The following RASA3 variants were observed in gnomAD, a reference collection of about 807,000 sequenced individuals.
RASA3 encodes the protein RAS p21 protein activator 3, also known as ras GTPase-activating protein 3.
In RASA3, 73 loss-of-function variants were observed where a neutral mutation model predicts 110.0. The ratio of observed to expected loss-of-function variants is 0.66; its 90% CI spans 0.55 to 0.81. The LOEUF (loss-of-function observed/expected upper bound fraction) is 0.81. RASA3 is among the 30% of genes least tolerant of loss of function. The pLI is 0.00. For synonymous variants in RASA3, 500 were observed against 451.4 expected (o/e 1.11, Z -1.37); for missense variants, 976 against 1,113.2 (o/e 0.88, Z 1.75).
At chr13:114,119,490 C>A (rs1198407951) in intron 1 of RASA3, among the ~76,000 whole-genome samples, 2 of 116,060 alleles carry the variant, frequency 1.7e-5, no homozygotes, top group Non-Finnish European at 4.1e-5. Flanking sequence ...GGGCCCCCCT[C>A]CCCTCTCCAG....
intron 15 of RASA3, among the ~76,000 whole-genome samples, chr13:114,012,566 CCA>C (rs1413584246): frequency 1.4e-5 from 2 of 146,020 alleles, no homozygotes; most frequent in Non-Finnish European, 3.0e-5. Flanking sequence ...CCCATGCATT[CCA>C]CACACACTCC....
At chr13:114,001,691 C>G (rs1013687053) in intron 18 of RASA3, among the ~76,000 whole-genome samples, 1 of 151,208 alleles carries the variant, frequency 6.6e-6, no homozygotes, top group Non-Finnish European at 1.5e-5. Context: ...AGGCAGCGGA[C>G]GCTCACACAC....
At chr13:114,095,984 A>G (rs2079937222) in intron 1 of RASA3, among the ~76,000 whole-genome samples, 1 of 152,236 alleles carries the variant, frequency 6.6e-6, no homozygotes, top group Admixed American at 6.5e-5. Context: ...TTGGTACTAC[A>G]AGCTAATCAA....
chr13:114,074,920 G>A (rs2079642553), intron 1 of RASA3, among the ~76,000 whole-genome samples: 1 of 152,256 alleles, frequency 6.6e-6, no homozygotes, highest in Non-Finnish European at 1.5e-5. Flanking sequence ...AGCAGGAAGG[G>A]ATGAGTGACA....
At chr13:114,030,400 A>G (rs1015184184) in intron 4 of RASA3, among the ~76,000 whole-genome samples, 21 of 67,466 alleles carry the variant, frequency 3.1e-4, no homozygotes, top group African/African-American at 4.3e-4. Context: ...AGGAGGCAAG[A>G]CTCACGCAGA....
chr13:114,111,004 A>G (rs77482334), intron 1 of RASA3, among the ~76,000 whole-genome samples: 4 of 152,066 alleles, frequency 2.6e-5, no homozygotes, highest in African/African-American at 9.7e-5. Context: ...AAAAAAAAAA[A>G]CCTAAAACTG....
At chr13:114,127,767 T>G (rs2139804474) in intron 1 of RASA3, among the ~76,000 whole-genome samples, 1 of 152,178 alleles carries the variant, frequency 6.6e-6, no homozygotes, top group South Asian at 2.1e-4. Flanking sequence ...AAAAAATTAA[T>G]GGACAATACT....
intron 2 of RASA3, among the ~76,000 whole-genome samples, chr13:114,054,416 G>A (rs570979664): frequency 6.0e-5 from 9 of 149,226 alleles, no homozygotes; most frequent in East Asian, 5.8e-4. Flanking sequence ...AACCTGGGGC[G>A]GGCGACTGTT....
At chr13:114,043,819 G>GCCCACCTCACTCGCTGAGCCCCCCCGC in intron 3 of RASA3, among the ~76,000 whole-genome samples, 1 of 142,438 alleles carries the variant, frequency 7.0e-6, no homozygotes, top group Non-Finnish European at 1.5e-5. Flanking sequence ...CCTCCGCCTG[G>GCCCACCTCACTCGCTGAGCCCCCCCGC]CCCACCTCAC....
At chr13:114,050,751 C>T (rs1246159535) in intron 3 of RASA3, among the ~76,000 whole-genome samples, 5 of 152,234 alleles carry the variant, frequency 3.3e-5, no homozygotes, top group South Asian at 2.1e-4. Flanking sequence ...CTCTCATGCC[C>T]CCTCTCTCTC....
rs569815125 is a variant in RASA3, at chr13:114,098,330, A to G, written c.56-24493T>C. 6.6e-5 allele frequency among the ~76,000 whole-genome samples: 10 copies of G among 152,314 alleles called. No homozygotes were observed. The South Asian group carries it at 1.9e-3, about 28-fold the overall frequency. On this transcript the variant is annotated intron_variant, in intron 1 of 23. Transcript: ENST00000334062. ...CAGGCGGACAAGGCAACAGGGACCC[A>G]GGTGCGGGTCAGCAGGCGCTAAGGA...
At chr13:114,073,205 C>A (rs1167681701) in intron 2 of RASA3, among the ~76,000 whole-genome samples, 3 of 137,486 alleles carry the variant, frequency 2.2e-5, no homozygotes, top group Non-Finnish European at 4.8e-5. Flanking sequence ...GGGACGGTGA[C>A]GTACACGCTC....
chr13:113,996,530 C>G lies in RASA3; in HGVS notation c.2141+1G>C, dbSNP rs1203199268. The G allele has an allele frequency of 1.9e-6, 3 of 1,611,574 alleles. No individual in the cohort carries two copies. The highest frequency in any genetic ancestry group is 2.5e-6 in the Non-Finnish European group (3 of 1,179,624). On this transcript the variant is annotated splice_donor_variant, in intron 21 of 23. Transcript: ENST00000334062. LOFTEE classifies it high-confidence loss of function. ...AGCTGGGCACCGAGGCACAGACCTA[C>G]CCAGTGCAGGGCGAGCAGCCCGGAG...
chr13:113,993,694 G>A (rs1372231214), intron 21 of RASA3, among the ~76,000 whole-genome samples: 1 of 150,896 alleles, frequency 6.6e-6, no homozygotes. Flanking sequence ...TATAATCCCA[G>A]CTGCCTGGGA....
At chr13:114,061,083 G>A (rs965807776) in intron 2 of RASA3, among the ~76,000 whole-genome samples, 50 of 152,112 alleles carry the variant, frequency 3.3e-4, no homozygotes, top group African/African-American at 1.1e-3. Context: ...CCGAGACCTC[G>A]CACAGAAATT....
chr13:114,029,883 T>C lies in RASA3; in HGVS notation c.377A>G (p.Lys126Arg), dbSNP rs1380495918. 6 of 1,558,254 alleles carry C rather than the reference T, an allele frequency of 3.9e-6. No individual in the cohort carries two copies. The highest frequency in any genetic ancestry group is 3.8e-5 in the Admixed American group (2 of 52,604). The change falls in exon 5 of 24, where the codon AAA (lysine) becomes AGA (arginine). Residue 126 changes from lysine to arginine, a missense_variant. Physicochemically the swap from Lys to Arg is conservative, Grantham distance 26. Around this residue, in one of 4 missense-constraint regions of RASA3, gnomAD observed 732 missense variants for 779.7 expected, o/e 0.94. Transcript: ENST00000334062. ...GCTCAGCCGCAGCTCCAGGTGCACT[T>C]TGCCCTGCAAGGCACAAGGATGGGG... is the stretch of plus-strand genomic sequence containing the variant. ...HVDADSEVQG[K>R]VHLELRLSEV...
chr13:113,982,566 C>T (rs1277338682), intron 22 of RASA3, among the ~76,000 whole-genome samples: 5 of 152,270 alleles, frequency 3.3e-5, no homozygotes, highest in South Asian at 2.1e-4. Flanking sequence ...TGAGTCCAAA[C>T]ACCTGAACCA....
rs1034375375 is a variant in RASA3 at position 114,011,464 on chromosome 13, C to T, written c.1513-216G>A. 5.9e-5 allele frequency among the ~76,000 whole-genome samples: 9 copies of T among 152,108 alleles called. No individual in the cohort carries two copies. The highest frequency in any genetic ancestry group is 1.2e-4 in the Non-Finnish European group (8 of 68,010). On this transcript the variant is annotated intron_variant, in intron 15 of 23. Transcript: ENST00000334062. The surrounding 1 kb of genome is among the most constrained non-coding windows in gnomAD (Gnocchi z 4.8). ...AGACCATCCCGCAGGCAACATCCGA[C>T]GGCACCGCGGTGACCCACTCTCTCG...
At position 114,077,757 on chromosome 13, in the gene RASA3, A is replaced by G. The variant is rs866593496; in HGVS notation, c.56-3920T>C. 34 of 943,708 alleles carry G rather than the reference A, an allele frequency of 3.6e-5. 1 individual carries two copies. In the Middle Eastern group the frequency reaches 3.8e-3, roughly 106 times the overall value. The allele number at this position is 943,708 out of a possible 1,614,324, so 58.5% of individuals were successfully genotyped here. The stretch of plus-strand genomic sequence containing the variant: ...GATGATGCCCAGTCCCCTGGCCCCA[A>G]AACACACCAGGTTCCTCCCTCCCCG... On this transcript the variant is annotated intron_variant, in intron 1 of 23. Transcript: ENST00000334062.
Sources: allele counts gnomAD v4.1 joint callset (sites outside exome capture counted in the v4.1 genomes callset), GRCh38; gene constraint gnomAD v4.1.1; regional missense constraint gnomAD v4.1.1; non-coding constraint Gnocchi (gnomAD v3.1); transcripts MANE v1.5; gene names NCBI Gene and HGNC (gene_info 2026-07-23, HGNC 2026-07-21).